DPP9: variants seen among roughly 807,000 people sequenced by gnomAD.
DPP9 encodes dipeptidyl peptidase 9, also known as dipeptidyl peptidase IV-related protein-2.
In DPP9, 50 loss-of-function variants were observed where a neutral mutation model predicts 110.7. The ratio of observed to expected loss-of-function variants is 0.45; its 90% CI spans 0.36 to 0.57. The LOEUF is 0.57. Among genes scored for constraint, DPP9 ranks in the 20% least tolerant of loss-of-function variants. The pLI, the probability that DPP9 is intolerant of heterozygous loss-of-function variation, is 0.00. For missense variants in DPP9, 1,022 were observed against 1,217.9 expected (o/e 0.84, Z 2.39); for synonymous variants, 561 against 514.4 (o/e 1.09, Z -1.23).
In DPP9 at chr19:4,700,138, G is replaced by C; in HGVS notation, c.1074+78C>G. The C allele has an allele frequency of 8.1e-7, 1 of 1,232,864 alleles. No homozygotes were observed. The highest frequency in any genetic ancestry group is 1.1e-6 in the Non-Finnish European group (1 of 906,944). 76.4% of individuals were successfully genotyped at this position (1,232,864 alleles called of 1,614,324 possible). ...CCCCCGAGAGGGAGGTGAGTGACCT[G>C]CCCATCCACCCAGCTGCCTACCCGG... On this transcript the variant is annotated intron_variant, in intron 10 of 21. Coordinates refer to ENST00000262960, the MANE Select transcript of DPP9 (RefSeq NM_139159.5). This position sits in a 1 kb window ranked among gnomAD's most constrained non-coding sequence, Gnocchi z 4.3.
Position 4,685,857 on chromosome 19 carries a change from G to A in DPP9, c.1886-86C>T. ...GTTCTCCTGCCCACCCCAAGCCTTGGAGGGTGGACCAAAGCACCCCCTCTT... is the reference window on the plus strand; with the variant it reads ...GTTCTCCTGCCCACCCCAAGCCTTGAAGGGTGGACCAAAGCACCCCCTCTT... On this transcript the variant is annotated intron_variant, in intron 16 of 21. Transcript: ENST00000262960. The surrounding 1 kb of genome is among the most constrained non-coding windows in gnomAD (Gnocchi z 5.8). The A allele has an allele frequency of 6.6e-7, 1 of 1,509,074 alleles. No individual in the cohort carries two copies. Among genetic ancestry groups the A allele is most frequent in the Non-Finnish European group, 9.0e-7 (1 of 1,116,734 alleles). 93.5% of individuals were successfully genotyped at this position (1,509,074 alleles called of 1,614,324 possible). A position where few individuals can be genotyped will look rare whatever the true frequency, so the allele number is the denominator to read the frequency against.
rs201611303 is a variant in DPP9, at chr19:4,704,236, G to A, written c.495C>T (p.Val165=). The A allele has an allele frequency of 2.6e-4, 426 of 1,613,874 alleles. No individual in the cohort carries two copies. Among genetic ancestry groups the A allele is most frequent in the Non-Finnish European group, 3.2e-4 (381 of 1,179,904 alleles). The part of the protein sequence containing the change: ...ELLRERKRLG[V]FGITSYDFHS... ...GGAAGTCGTAGGAGGTGATGCCGAA[G>A]ACCCCCAGGCGTTTCCGCTCCCTCA... The change falls in exon 6 of 22, where the codon GTC becomes GTT. Residue 165 remains valine, a synonymous_variant. Coordinates refer to ENST00000262960, the MANE Select transcript of DPP9 (RefSeq NM_139159.5). The surrounding 1 kb of genome is among the most constrained non-coding windows in gnomAD (Gnocchi z 6.0).
At chr19:4,697,181 G>A (rs1259683643) in intron 11 of DPP9, among the ~76,000 whole-genome samples, 1 of 152,120 alleles carries the variant, frequency 6.6e-6, no homozygotes, top group Non-Finnish European at 1.5e-5. Context: ...TTCTCTCCTC[G>A]ACATGGGTGG....
chr19:4,676,149 A>C lies in DPP9; in HGVS notation c.*415T>G, dbSNP rs1370581174. The C allele has an allele frequency of 3.3e-5, 6 of 184,054 alleles. No homozygotes were observed. Among genetic ancestry groups the C allele is most frequent in the Non-Finnish European group, 6.8e-5 (6 of 88,558 alleles). The allele number at this position is 184,054 out of a possible 1,614,324, so 11.4% of individuals were successfully genotyped here. A position where few individuals can be genotyped will look rare whatever the true frequency, so the allele number is the denominator to read the frequency against. On this transcript the variant is annotated 3_prime_UTR_variant, in exon 22 of 22. Coordinates refer to ENST00000262960, the MANE Select transcript of DPP9 (RefSeq NM_139159.5). The surrounding 1 kb of genome is among the most constrained non-coding windows in gnomAD (Gnocchi z 4.0). ...AAGTTGGGGAGGCTGGCCGGGGGGGACAGGCAATTGCATGCTTGGGTGCTG... is the reference window on the plus strand; with the variant it reads ...AAGTTGGGGAGGCTGGCCGGGGGGGCCAGGCAATTGCATGCTTGGGTGCTG...
rs1350703168 is a variant in DPP9, at chr19:4,704,954, C to T, written c.427-650G>A. ...CAGAGGTTGCAGTGAGCCGAGATTGCGCCACTGCACTATAGCCTGAGTGAC... is the reference window on the plus strand; with the variant it reads ...CAGAGGTTGCAGTGAGCCGAGATTGTGCCACTGCACTATAGCCTGAGTGAC... On this transcript the variant is annotated intron_variant, in intron 5 of 21. Transcript: ENST00000262960. The surrounding 1 kb of genome is among the most constrained non-coding windows in gnomAD (Gnocchi z 6.0). Among the ~76,000 whole-genome samples the T allele has an allele frequency of 1.3e-5, 2 of 152,018 alleles. No individual in the cohort carries two copies. Among genetic ancestry groups the T allele is most frequent in the African/African-American group, 2.4e-5 (1 of 41,370 alleles).
Position 4,719,961 on chromosome 19 carries a change from G to A in DPP9, c.-35-20C>T. 5.2e-6 allele frequency: 8 copies of A among 1,545,620 alleles called. No homozygotes were observed. Among genetic ancestry groups the A allele is most frequent in the African/African-American group, 1.4e-5 (1 of 73,042 alleles). On this transcript the variant is annotated intron_variant, in intron 2 of 21. Transcript: ENST00000262960. ...GGGTGCCTGCGGGCAAGTGGGAGGA[G>A]AGATCAAAGGGCTGCAACCCCAGCA...
rs553779758 is a variant in DPP9 at position 4,710,047 on chromosome 19, C to T, written c.313+4034G>A. On this transcript the variant is annotated intron_variant, in intron 4 of 21. Transcript: ENST00000262960. The surrounding 1 kb of genome is among the most constrained non-coding windows in gnomAD (Gnocchi z 5.6). Reference sequence around the variant, plus strand: ...TGACAACTGGCCTTTGAGGCAAGGGCTAGAGGTGACCGCCAAGGGCTGTGG... The same window carrying T: ...TGACAACTGGCCTTTGAGGCAAGGGTTAGAGGTGACCGCCAAGGGCTGTGG... Among the ~76,000 whole-genome samples, 1 of 152,332 alleles carries T rather than the reference C, an allele frequency of 6.6e-6. No homozygotes were observed. The highest frequency in any genetic ancestry group is 2.1e-4 in the South Asian group (1 of 4,826).
chr19:4,703,892 G>A lies in DPP9; in HGVS notation c.763C>T (p.His255Tyr). 1 of 1,601,186 alleles carries A rather than the reference G, an allele frequency of 6.2e-7. No homozygotes were observed. The highest frequency in any genetic ancestry group is 8.5e-7 in the Non-Finnish European group (1 of 1,174,484). The part of the protein sequence containing the change: ...TGEERRLTFC[H>Y]QGLSNVLDDP... ...CAGGAGGGGCTGGCCCCACCTTGGT[G>A]GCAGAAGGTCAGCCGCCGCTCCTCG... is the stretch of plus-strand genomic sequence containing the variant. Residue 255 changes from histidine to tyrosine, a missense_variant, in exon 7 of 22, where the codon CAC (histidine) becomes TAC (tyrosine). This residue lies in a region of DPP9 where 810 missense variants were observed against 920.6 expected (regional missense o/e 0.88). Transcript: ENST00000262960.
rs59314200 is a variant in DPP9 at position 4,715,019 on chromosome 19, C to CTTTT, written c.57-686_57-683dup. ...TTTGATATATGTTTATATATATATA[C>CTTTT]TTTTTTTTTTTTTTTTTTTTTTTTT... On this transcript the variant is annotated intron_variant, in intron 3 of 21. Coordinates refer to ENST00000262960, the MANE Select transcript of DPP9 (RefSeq NM_139159.5). Among the ~76,000 whole-genome samples, 53 of 68,612 alleles carry CTTTT rather than the reference C, an allele frequency of 7.7e-4. 9 individuals are homozygous for CTTTT. The highest frequency in any genetic ancestry group is 1.6e-3 in the East Asian group (3 of 1,834). The allele number at this position is 68,612 out of a possible 152,430, so 45.0% of individuals were successfully genotyped here.
chr19:4,713,047 T>C (rs1332787464), intron 4 of DPP9, among the ~76,000 whole-genome samples: 2 of 152,228 alleles, frequency 1.3e-5, no homozygotes. Context: ...CACTTGGCGA[T>C]GTCTGAGGAC....
Position 4,689,597 on chromosome 19 carries a change from G to T in DPP9, c.1722C>A (p.Gly574=). The change falls in exon 15 of 22, where the codon GGC becomes GGA. Residue 574 remains glycine (G), a synonymous_variant. Coordinates refer to ENST00000262960, the MANE Select transcript of DPP9 (RefSeq NM_139159.5). The surrounding 1 kb of genome is among the most constrained non-coding windows in gnomAD (Gnocchi z 7.0). ...GGCTCATGGAGCAGCTATGGGAGAA[G>T]CCGGGCGTGGTGAGGCGTACGATCT... is the stretch of plus-strand genomic sequence containing the variant. ...AGEIVRLTTP[G]FSHSCSMSQN... 2 of 1,571,088 alleles carry T rather than the reference G, an allele frequency of 1.3e-6. No homozygotes were observed. The highest frequency in any genetic ancestry group is 2.3e-5 in the South Asian group (2 of 85,588).
At chr19:4,716,845 G>A (rs1275833611) in intron 3 of DPP9, among the ~76,000 whole-genome samples, 1 of 152,120 alleles carries the variant, frequency 6.6e-6, no homozygotes, top group African/African-American at 2.4e-5. Flanking sequence ...CTGACATGCT[G>A]TGTGATAAGC....
chr19:4,702,299 A>G (rs1477679033), intron 8 of DPP9, 144 bp from the exon 9 acceptor site: 2 of 1,163,262 alleles, frequency 1.7e-6, no homozygotes, highest in African/African-American at 3.1e-5. Context: ...CATTCGCTAG[A>G]CCTTATGCCA....
At chr19:4,690,981 G>A (rs769867295) in intron 13 of DPP9, 24 bp from the exon 14 acceptor site, 20 of 1,591,280 alleles carry the variant, frequency 1.3e-5, no homozygotes, top group Non-Finnish European at 1.7e-6. Context: ...AAGAAGGGAG[G>A]TGAAGGGGCC....
chr19:4,687,755 G>C lies in DPP9; in HGVS notation c.1885+1002C>G, dbSNP rs1176056633. Among the ~76,000 whole-genome samples the C allele has an allele frequency of 9.9e-5, 15 of 152,174 alleles. No individual in the cohort carries two copies. ...GGCGGGTTTCAAACCAGTGTGGGTG[G>C]ACTCTGACATCCCGGCCACCCCTGC... On this transcript the variant is annotated intron_variant, in intron 16 of 21. Transcript: ENST00000262960. This position sits in a 1 kb window ranked among gnomAD's most constrained non-coding sequence, Gnocchi z 4.7.
chr19:4,719,718 AG>A, intron 3 of DPP9, 132 bp downstream of exon 3: 1 of 1,060,480 alleles, frequency 9.4e-7, no homozygotes, highest in Non-Finnish European at 1.4e-6. Flanking sequence ...TGAAATAACC[AG>A]AACAGTCTTG....
At chr19:4,701,885 A>G in intron 9 of DPP9, 142 bp downstream of exon 9, 2 of 1,226,344 alleles carry the variant, frequency 1.6e-6, no homozygotes, top group East Asian at 4.8e-5. Context: ...CCTGCAGGGC[A>G]GAAGCCTTCC....
chr19:4,710,246 C>A lies in DPP9; in HGVS notation c.313+3835G>T, dbSNP rs921254758. Among the ~76,000 whole-genome samples, 2 of 152,190 alleles carry A rather than the reference C, an allele frequency of 1.3e-5. No individual in the cohort carries two copies. Among genetic ancestry groups the A allele is most frequent in the Admixed American group, 1.3e-4 (2 of 15,282 alleles). On this transcript the variant is annotated intron_variant, in intron 4 of 21. Transcript: ENST00000262960. This position sits in a 1 kb window ranked among gnomAD's most constrained non-coding sequence, Gnocchi z 5.6. ...GGCTGGCCTGGTGGGGGATCGTGAT[C>A]CACACAGGGCTAGGGCTCTCCCCTG...
chr19:4,704,203 C>G lies in DPP9; in HGVS notation c.528G>C (p.Glu176Asp). 1 of 1,614,010 alleles carries G rather than the reference C, an allele frequency of 6.2e-7. No homozygotes were observed. The highest frequency in any genetic ancestry group is 8.5e-7 in the Non-Finnish European group (1 of 1,179,894). The change falls in exon 6 of 22, where the codon GAG becomes GAC. Residue 176 changes from glutamate to aspartate, a missense_variant. This residue lies in a region of DPP9 where 810 missense variants were observed against 920.6 expected (regional missense o/e 0.88). Transcript: ENST00000262960. The surrounding 1 kb of genome is among the most constrained non-coding windows in gnomAD (Gnocchi z 6.0). ...TGGCCTGGAAGAGGAAGAGGCCACT[C>G]TCGCTGTGGAAGTCGTAGGAGGTGA... is the stretch of plus-strand genomic sequence containing the variant. ...FGITSYDFHSESGLFLFQASN... is the reference protein window; with the variant it reads ...FGITSYDFHSDSGLFLFQASN...
Sources: allele counts gnomAD v4.1 joint callset (sites outside exome capture counted in the v4.1 genomes callset), GRCh38; gene constraint gnomAD v4.1.1; regional missense constraint gnomAD v4.1.1; non-coding constraint Gnocchi (gnomAD v3.1); transcripts MANE v1.5; gene names NCBI Gene and HGNC (gene_info 2026-07-23, HGNC 2026-07-21).